Variants in GALNT3 observed in about 807,000 individuals in gnomAD.
GALNT3 encodes the protein polypeptide N-acetylgalactosaminyltransferase 3, also known as GalNAc transferase 3.
A neutral mutation model predicts 69.8 loss-of-function variants in GALNT3; 51 were observed. The observed-to-expected ratio is 0.73, with a 90% confidence interval of 0.58 to 0.92. GALNT3 has a LOEUF of 0.92. Among genes scored for constraint, GALNT3 ranks in the 40% least tolerant of loss-of-function variants. GALNT3 has a pLI of 0.00. For missense variants in GALNT3, 711 were observed against 760.0 expected (o/e 0.94, Z 0.76); for synonymous variants, 265 against 248.5 (o/e 1.07, Z -0.63).
intron 2 of GALNT3, among the ~76,000 whole-genome samples, chr2:165,769,432 AATAAT>A (rs1399923692): frequency 7.1e-6 from 1 of 141,288 alleles, no homozygotes; most frequent in Non-Finnish European, 1.5e-5. Context: ...TAATAATAAT[AATAAT>A]AATAAATAAA....
chr2:165,760,041 T>C (rs1055484857), intron 4 of GALNT3, among the ~76,000 whole-genome samples: 13 of 152,188 alleles, frequency 8.5e-5, no homozygotes, highest in Non-Finnish European at 1.6e-4. Context: ...AAAATTCCCC[T>C]ACAGATGATG....
intron 3 of GALNT3, among the ~76,000 whole-genome samples, chr2:165,763,977 A>T (rs936345386): frequency 6.6e-6 from 1 of 152,212 alleles, no homozygotes; most frequent in South Asian, 2.1e-4. Context: ...ATAAAATGAG[A>T]TATCTGACCT....
intron 1 of GALNT3, among the ~76,000 whole-genome samples, chr2:165,773,541 A>G (rs1278089320): frequency 6.6e-6 from 1 of 152,198 alleles, no homozygotes; most frequent in Admixed American, 6.5e-5. Context: ...TCAGGGTAGG[A>G]ATTAAGGAGA....
intron 1 of GALNT3, among the ~76,000 whole-genome samples, chr2:165,784,824 A>C (rs1683185859): frequency 6.6e-6 from 1 of 152,212 alleles, no homozygotes; most frequent in Non-Finnish European, 1.5e-5. Context: ...GTAACAACAG[A>C]AACAAGTTTT....
chr2:165,770,686 CT>C lies in GALNT3; in HGVS notation c.14del (p.Lys5SerfsTer3). On this transcript the variant is annotated frameshift_variant, in exon 2 of 11. Transcript: ENST00000392701. LOFTEE classifies it high-confidence loss of function. ...TTTTAATGTGTAATTTTACTAGTCG[CT>C]TTAGGTGAGCCATTCTGACATTAAA... is the stretch of plus-strand genomic sequence containing the variant. MAHLKRLVKLHIKRH... is the reference protein window; with the variant it reads MAHLXRLVKLHIKRH... 6.2e-7 allele frequency: 1 copy of C among 1,604,150 alleles called. No homozygotes were observed.
chr2:165,753,866 G>T (rs1280650396), intron 9 of GALNT3, among the ~76,000 whole-genome samples: 2 of 152,032 alleles, frequency 1.3e-5, no homozygotes, highest in African/African-American at 4.8e-5. Context: ...ATAATATTGT[G>T]GCCCACAAAA....
rs41268661 is a variant in GALNT3 at position 165,754,576 on chromosome 2, C to T, written c.1626+51G>A. ...CTTCTGAAAAATAGGCAACATCTCA[C>T]TTGTGCTTGTAAATGCTTTACAAGT... is the stretch of plus-strand genomic sequence containing the variant. On this transcript the variant is annotated intron_variant, in intron 9 of 10. Transcript: ENST00000392701. 590,750 of 1,313,926 alleles carry T rather than the reference C, an allele frequency of 0.45. 138,596 individuals carry two copies. The highest frequency in any genetic ancestry group is 0.49 in the Non-Finnish European group (446,109 of 909,896). 81.4% of individuals were successfully genotyped at this position (1,313,926 alleles called of 1,614,324 possible). A position where few individuals can be genotyped will look rare whatever the true frequency, so the allele number is the denominator to read the frequency against.
chr2:165,759,491 A>C lies in GALNT3; in HGVS notation c.918T>G (p.Ile306Met). ...CAAACGTGTTCAGATCTATGGATGC[A>C]ATATCTGGACTTACGACAGCCGTGT... ...ENYTAVVSPD[I>M]ASIDLNTFEF... The change falls in exon 5 of 11, where the codon ATT becomes ATG. Residue 306 changes from isoleucine to methionine, a missense_variant. Ile to Met is a conservative substitution (Grantham distance 10). Transcript: ENST00000392701. The C allele has an allele frequency of 1.9e-6, 3 of 1,614,094 alleles. No homozygotes were observed. The highest frequency in any genetic ancestry group is 1.7e-6 in the Non-Finnish European group (2 of 1,180,006).
intron 10 of GALNT3, among the ~76,000 whole-genome samples, chr2:165,749,209 A>G (rs891955088): frequency 1.3e-5 from 2 of 152,124 alleles, no homozygotes; most frequent in African/African-American, 4.8e-5. Context: ...CATAAATTAT[A>G]AAAGCCAGTG....
At position 165,770,666 on chromosome 2, in the gene GALNT3, A is replaced by T. The variant is rs747049941; in HGVS notation, c.35T>A (p.Ile12Asn). 10 of 1,605,604 alleles carry T rather than the reference A, an allele frequency of 6.2e-6. No homozygotes were observed. The Admixed American group carries it at 1.7e-4, about 27-fold the overall frequency. Residue 12 changes from isoleucine (I) to asparagine (N), a missense_variant, in exon 2 of 11, where the codon ATT (isoleucine) becomes AAT (asparagine). Ile to Asn is a moderately radical substitution (Grantham distance 149). Transcript: ENST00000392701. ...AHLKRLVKLH[I>N]KRHYHKKFWK... is the part of the protein sequence containing the mutation. ...GAACTTTTTATGGTAATGTCTTTTAATGTGTAATTTTACTAGTCGCTTTAG... is the reference window on the plus strand; with the variant it reads ...GAACTTTTTATGGTAATGTCTTTTATTGTGTAATTTTACTAGTCGCTTTAG...
chr2:165,765,065 A>AGAAG lies in GALNT3; in HGVS notation c.516-10_516-9insCTTC. The stretch of plus-strand genomic sequence containing the variant: ...ATTTTTGTTCAATACATCTAGAAGA[A>AGAAG]GTCAGAGAAGTAGAAAAACAATTAC... On this transcript the variant is annotated splice_polypyrimidine_tract_variant and intron_variant, in intron 2 of 10. Transcript: ENST00000392701. 1 of 1,611,452 alleles carries AGAAG rather than the reference A, an allele frequency of 6.2e-7. No homozygotes were observed. The highest frequency in any genetic ancestry group is 8.5e-7 in the Non-Finnish European group (1 of 1,177,610).
At position 165,788,466 on chromosome 2, in the gene GALNT3, G is replaced by GGTGTGTGTGTGT. The variant is rs148293638; in HGVS notation, c.-109+5537_-109+5548dup. ...GCATGTTTTGCAAATAATCCAAAAG[G>GGTGTGTGTGTGT]GTGTGTGTGTGTGTGTGTGTGTGTG... On this transcript the variant is annotated intron_variant, in intron 1 of 10. Coordinates refer to ENST00000392701, the MANE Select transcript of GALNT3 (RefSeq NM_004482.4). 2.7e-4 allele frequency among the ~76,000 whole-genome samples: 38 copies of GGTGTGTGTGTGT among 139,602 alleles called. No individual in the cohort carries two copies. The South Asian group carries it at 5.5e-3, about 20-fold the overall frequency. The allele number at this position is 139,602 out of a possible 152,430, so 91.6% of individuals were successfully genotyped here.
intron 1 of GALNT3, chr2:165,771,510 G>A (rs185010106): frequency 7.9e-5 from 12 of 152,256 alleles, no homozygotes; most frequent in Admixed American, 3.9e-4. Flanking sequence ...TGTCTGTAGG[G>A]AGCCTATAGA....
intron 7 of GALNT3, 65 bp from the exon 8 acceptor site, chr2:165,755,128 A>G: frequency 7.2e-7 from 1 of 1,383,492 alleles, no homozygotes; most frequent in Non-Finnish European, 1.0e-6. Flanking sequence ...CACTTAAAAT[A>G]CTCTTATTTG....
intron 1 of GALNT3, among the ~76,000 whole-genome samples, chr2:165,786,405 G>A (rs1295435523): frequency 6.6e-6 from 1 of 152,094 alleles, no homozygotes; most frequent in African/African-American, 2.4e-5. Context: ...GTCATGTCCT[G>A]GTATCTGCAG....
Position 165,761,629 on chromosome 2 carries a change from AG to A in GALNT3, c.838+275del, listed in dbSNP as rs1574001257. On this transcript the variant is annotated intron_variant, in intron 4 of 10. Transcript: ENST00000392701. ...GAAAAGAAACATGGAAAAAAAAAAA[AG>A]AGGCAAGGATAACTGGCTGGAACAG... 151 of 636,666 alleles carry A rather than the reference AG, an allele frequency of 2.4e-4. No individual in the cohort carries two copies. The East Asian group carries it at 4.0e-3, about 17-fold the overall frequency. The allele number at this position is 636,666 out of a possible 1,614,324, so 39.4% of individuals were successfully genotyped here. A position where few individuals can be genotyped will look rare whatever the true frequency, so the allele number is the denominator to read the frequency against.
In GALNT3 at chr2:165,757,226, A is replaced by G; in HGVS notation, c.1213T>C (p.Leu405=). 6.2e-7 allele frequency: 1 copy of G among 1,613,992 alleles called. No individual in the cohort carries two copies. Among genetic ancestry groups the G allele is most frequent in the Non-Finnish European group, 8.5e-7 (1 of 1,179,902 alleles). The change falls in exon 7 of 11, where the codon TTG becomes CTG. Residue 405 remains leucine, a synonymous_variant. Coordinates refer to ENST00000392701, the MANE Select transcript of GALNT3 (RefSeq NM_004482.4). The stretch of plus-strand genomic sequence containing the variant: ...ACAACAGAGCAAGGCATAATCTCCA[A>G]CTGCCCACCACATTGCCATACCTGA... ...SFRVWQCGGQ[L]EIMPCSVVGH... is the part of the protein sequence containing the mutation.
intron 1 of GALNT3, among the ~76,000 whole-genome samples, chr2:165,783,269 A>G (rs758219821): frequency 2.6e-5 from 4 of 151,906 alleles, no homozygotes; most frequent in Non-Finnish European, 2.9e-5. Context: ...GGGCCTTTTC[A>G]TGGCATGTAT....
At chr2:165,756,675 C>T (rs1688448410) in intron 7 of GALNT3, among the ~76,000 whole-genome samples, 1 of 149,816 alleles carries the variant, frequency 6.7e-6, no homozygotes, top group Non-Finnish European at 1.5e-5. Context: ...TATTCTCATG[C>T]CACATTAAGA....
Sources: allele counts gnomAD v4.1 joint callset (sites outside exome capture counted in the v4.1 genomes callset), GRCh38; gene constraint gnomAD v4.1.1; transcripts MANE v1.5; gene names NCBI Gene and HGNC (gene_info 2026-07-23, HGNC 2026-07-21).